Variants in DCAF1 observed in about 807,000 individuals in gnomAD.
DCAF1 encodes the protein DDB1 and CUL4 associated factor 1.
In DCAF1, 15 loss-of-function variants were observed where a neutral mutation model predicts 128.0. That is an observed-to-expected ratio of 0.12 (90% confidence interval 0.08 to 0.18). DCAF1 has a LOEUF of 0.18. Among genes scored for constraint, DCAF1 ranks in the 10% least tolerant of loss-of-function variants. The pLI is 1.00. For missense variants in DCAF1, 988 were observed against 1,649.5 expected, an observed-to-expected ratio of 0.60 and a Z score of 6.95; for synonymous variants, 610 against 603.0, an observed-to-expected ratio of 1.01 and a Z score of -0.17.
At chr3:51,414,957 A>T in intron 18 of DCAF1, 100 bp from the exon 19 acceptor site, 2 of 1,453,598 alleles carry the variant, frequency 1.4e-6, no homozygotes, top group Non-Finnish European at 1.8e-6. Context: ...TTAACACACA[A>T]ATTCTCCACA....
chr3:51,444,793 AG>A (rs1701688042), intron 6 of DCAF1, among the ~76,000 whole-genome samples: 3 of 151,980 alleles, frequency 2.0e-5, no homozygotes, highest in Non-Finnish European at 2.9e-5. Context: ...CTCCTGCCTT[AG>A]CCTCCCGAGT....
At chr3:51,396,519 A>G (rs1257613829), downstream of DCAF1, 2 of 167,182 alleles carry the variant, frequency 1.2e-5, no homozygotes, top group Admixed American at 1.3e-4. Context: ...TACTTCAGGC[A>G]TCCAGTGCCC....
intron 9 of DCAF1, chr3:51,440,113 A>G (rs1553638213): frequency 4.0e-6 from 2 of 500,712 alleles, no homozygotes; most frequent in Non-Finnish European, 7.9e-6. Flanking sequence ...AGGCCACCCC[A>G]TGTCTAGATT....
At chr3:51,414,917 A>C in intron 18 of DCAF1, 60 bp from the exon 19 acceptor site, 1 of 1,555,262 alleles carries the variant, frequency 6.4e-7, no homozygotes, top group Non-Finnish European at 8.7e-7. Context: ...TGACAAATTA[A>C]AGAGAAAATG....
chr3:51,410,283 C>T (rs1242637356), intron 23 of DCAF1, among the ~76,000 whole-genome samples: 3 of 152,194 alleles, frequency 2.0e-5, no homozygotes, highest in Non-Finnish European at 4.4e-5. Flanking sequence ...CGAATCATCT[C>T]GGGCCTCTAA....
intron 6 of DCAF1, among the ~76,000 whole-genome samples, chr3:51,461,035 A>G (rs1181789752): frequency 1.8e-3 from 271 of 151,846 alleles, no homozygotes; most frequent in African/African-American, 6.2e-3. Context: ...CAAAAGCAAT[A>G]GCAACAAAAG....
At chr3:51,409,501 G>A (rs1173512305) in intron 23 of DCAF1, among the ~76,000 whole-genome samples, 2 of 152,176 alleles carry the variant, frequency 1.3e-5, no homozygotes, top group African/African-American at 2.4e-5. Context: ...ACGGATATGG[G>A]AGGGCTGGGA....
At chr3:51,475,764 G>C (rs1553650313) in intron 3 of DCAF1, among the ~76,000 whole-genome samples, 1 of 152,182 alleles carries the variant, frequency 6.6e-6, no homozygotes, top group Non-Finnish European at 1.5e-5. Context: ...AGGAGGCTGA[G>C]GCAGGAGAAT....
In DCAF1 at chr3:51,468,631, TTCACAAAAAGAAAGAAACA is replaced by T. The variant is rs543240721; in HGVS notation, c.188-1774_188-1756del. Among the ~76,000 whole-genome samples, 34 of 152,166 alleles carry T rather than the reference TTCACAAAAAGAAAGAAACA, an allele frequency of 2.2e-4. 2 individuals are homozygous for T. In the South Asian group the frequency reaches 7.1e-3, roughly 32 times the overall value. On this transcript the variant is annotated intron_variant, in intron 4 of 24. Coordinates refer to ENST00000684031, the MANE Select transcript of DCAF1 (RefSeq NM_001387579.1). ...GCTGTTAATTAGTATCTCAAAGTAA[TTCACAAAAAGAAAGAAACA>T]TCAGAGAAAAGTATCACAAAAACAA... is the stretch of plus-strand genomic sequence containing the variant.
At chr3:51,416,294 G>A (rs1302519633) in intron 18 of DCAF1, among the ~76,000 whole-genome samples, 3 of 151,908 alleles carry the variant, frequency 2.0e-5, no homozygotes, top group Non-Finnish European at 4.4e-5. Flanking sequence ...TGTGCCTTAC[G>A]CTGTTCCTCC....
chr3:51,493,890 A>G (rs1707943862), intron 2 of DCAF1, among the ~76,000 whole-genome samples: 1 of 151,024 alleles, frequency 6.6e-6, no homozygotes, highest in African/African-American at 2.4e-5. Flanking sequence ...CTAGCTACTC[A>G]GGAGGCTGAG....
In DCAF1 at chr3:51,441,881, C is replaced by T. The variant is rs781934030; in HGVS notation, c.530G>A (p.Arg177Gln). 12 of 1,606,674 alleles carry T rather than the reference C, an allele frequency of 7.5e-6. No homozygotes were observed. Among genetic ancestry groups the T allele is most frequent in the East Asian group, 4.5e-5 (2 of 44,878 alleles). ...ENSQLVAIVL[R>Q]RLRELQLQEV... is the part of the protein sequence containing the mutation. ...CTGTAGCTGTAGCTCCCTCAGTCTT[C>T]GAAGCACTATTGCCACCTATCAACA... The change falls in exon 8 of 25, where the codon CGA becomes CAA. Residue 177 changes from arginine (R) to glutamine (Q), a missense_variant. Arg to Gln is a conservative substitution (Grantham distance 43). Coordinates refer to ENST00000684031, the MANE Select transcript of DCAF1 (RefSeq NM_001387579.1).
intron 23 of DCAF1, among the ~76,000 whole-genome samples, chr3:51,406,997 C>T (rs532080679): frequency 1.3e-5 from 2 of 152,226 alleles, no homozygotes; most frequent in Non-Finnish European, 2.9e-5. Context: ...AGTTCGAGAC[C>T]AGCCTGGGCA....
chr3:51,451,069 CTT>C (rs1167474829), intron 6 of DCAF1, among the ~76,000 whole-genome samples: 61 of 27,090 alleles, frequency 2.3e-3, no homozygotes, highest in East Asian at 4.2e-3. Flanking sequence ...AAAGGAAATT[CTT>C]TTTTTTTTTT....
At chr3:51,464,521 C>A (rs1474263891) in intron 5 of DCAF1, among the ~76,000 whole-genome samples, 1 of 151,906 alleles carries the variant, frequency 6.6e-6, no homozygotes, top group Non-Finnish European at 1.5e-5. Flanking sequence ...CCAGTGAAAT[C>A]TTGTCTCTAC....
At position 51,496,716 on chromosome 3, in the gene DCAF1, C is replaced by A. The variant is rs1178350681; in HGVS notation, c.-9+18G>T. 6.6e-6 allele frequency among the ~76,000 whole-genome samples: 1 copy of A among 152,016 alleles called. No homozygotes were observed. Among genetic ancestry groups the A allele is most frequent in the Non-Finnish European group, 1.5e-5 (1 of 68,024 alleles). ...AAAAAAGGTTTCAAGGATTCAAATC[C>A]CAACTCTGCTGACATACCTGTGAAG... On this transcript the variant is annotated intron_variant, in intron 2 of 24. Transcript: ENST00000684031.
chr3:51,431,411 TCAGGAGGCTGAGA>T (rs1308888091), intron 10 of DCAF1, among the ~76,000 whole-genome samples: 1 of 148,906 alleles, frequency 6.7e-6, no homozygotes, highest in Non-Finnish European at 1.5e-5. Context: ...TCCCAGCTAT[TCAGGAGGCTGAGA>T]CAGGAGAATC....
intron 9 of DCAF1, chr3:51,438,108 G>C (rs781953353): frequency 2.3e-6 from 1 of 431,882 alleles, no homozygotes; most frequent in African/African-American, 2.1e-5. Flanking sequence ...AAATTTCCCT[G>C]AAAGTTTGGT....
intron 4 of DCAF1, 70 bp downstream of exon 4, chr3:51,470,859 A>C: frequency 2.6e-6 from 3 of 1,150,542 alleles, no homozygotes; most frequent in Non-Finnish European, 3.6e-6. Context: ...AAGAAAAAAA[A>C]GACCCTCGCT....
Sources: allele counts gnomAD v4.1 joint callset (sites outside exome capture counted in the v4.1 genomes callset), GRCh38; gene constraint gnomAD v4.1.1; transcripts MANE v1.5; gene names NCBI Gene and HGNC (gene_info 2026-07-23, HGNC 2026-07-21).